Variants in ZNF394 observed in about 807,000 individuals in gnomAD.
ZNF394 encodes zinc finger protein 394.
A neutral mutation model predicts 21.8 loss-of-function variants in ZNF394; 19 were observed. That is an observed-to-expected ratio of 0.87 (90% CI 0.61 to 1.28). The LOEUF is 1.28. Among genes scored for constraint, ZNF394 ranks in the 50% most tolerant of loss-of-function variants. The pLI is 0.00. For missense variants in ZNF394, 683 were observed against 708.6 expected, an observed-to-expected ratio of 0.96 and a Z score of 0.41; for synonymous variants, 294 against 273.3, an observed-to-expected ratio of 1.08 and a Z score of -0.75.
intron 1 of ZNF394, chr7:99,487,360 CTT>C: frequency 1.2e-6 from 2 of 1,614,232 alleles, no homozygotes; most frequent in Non-Finnish European, 1.7e-6. Flanking sequence ...TAAGAGGAAT[CTT>C]TTTCGACATC....
At chr7:99,496,018 T>G (rs1800296939) in intron 2 of ZNF394, among the ~76,000 whole-genome samples, 1 of 152,150 alleles carries the variant, frequency 6.6e-6, no homozygotes, top group South Asian at 2.1e-4. Context: ...ACCTCCCAGG[T>G]TCAAGTGATT....
At position 99,500,019 on chromosome 7, in the gene ZNF394, G is replaced by A; in HGVS notation, c.75C>T (p.Ser25=). 6.2e-7 allele frequency: 1 copy of A among 1,606,414 alleles called. No individual in the cohort carries two copies. Among genetic ancestry groups the A allele is most frequent in the African/African-American group, 1.3e-5 (1 of 75,040 alleles). ...CGCGTTGGGACGGCGCCGCGTCCTT[G>A]GACCTCGCAGCCATCACCCAGGGTC... is the stretch of plus-strand genomic sequence containing the variant. ...ELGPWVMAAR[S]KDAAPSQRDG... Residue 25 remains serine, a synonymous_variant, in exon 1 of 3, where the codon TCC becomes TCT. Transcript: ENST00000337673.
In ZNF394 at chr7:99,493,730, C is replaced by A. The variant is rs758876923; in HGVS notation, c.1485G>T (p.Lys495Asn). ...TCCCACAGACGGAACATCCATAGGGCTTCTCCCCAGTGTGGATTCTGTGGT... is the reference window on the plus strand; with the variant it reads ...TCCCACAGACGGAACATCCATAGGGATTCTCCCCAGTGTGGATTCTGTGGT... ...FKHHRIHTGE[K>N]PYGCSVCGKR... The change falls in exon 3 of 3, where the codon AAG (lysine) becomes AAT (asparagine). Residue 495 changes from lysine (K) to asparagine (N), a missense_variant. By Grantham distance (94) the Lys-to-Asn change is moderately conservative (BLOSUM62 0). Coordinates refer to ENST00000337673, the MANE Select transcript of ZNF394 (RefSeq NM_032164.4). 6 of 1,614,150 alleles carry A rather than the reference C, an allele frequency of 3.7e-6. No homozygotes were observed. The highest frequency in any genetic ancestry group is 5.1e-6 in the Non-Finnish European group (6 of 1,180,010).
chr7:99,497,361 T>C (rs1439166825), intron 2 of ZNF394, among the ~76,000 whole-genome samples: 1 of 150,708 alleles, frequency 6.6e-6, no homozygotes, highest in African/African-American at 2.4e-5. Context: ...CTGTATTTTT[T>C]AGTAGAGACA....
In ZNF394 at chr7:99,500,170, C is replaced by A. The variant is rs994342077; in HGVS notation, c.-77G>T. On this transcript the variant is annotated 5_prime_UTR_variant, in exon 1 of 3. Coordinates refer to ENST00000337673, the MANE Select transcript of ZNF394 (RefSeq NM_032164.4). ...AGAGCAAACCCAAGGAACTCATCAG[C>A]CGTCAACACCCTCCGGTCCCAAACA... The A allele has an allele frequency of 2.1e-6, 3 of 1,413,134 alleles. No individual in the cohort carries two copies. Among genetic ancestry groups the A allele is most frequent in the South Asian group, 2.8e-5 (2 of 71,058 alleles). The allele number at this position is 1,413,134 out of a possible 1,614,324, so 87.5% of individuals were successfully genotyped here.
At chr7:99,488,417 G>A (rs929597148), downstream of ZNF394, among the ~76,000 whole-genome samples, 3 of 149,098 alleles carry the variant, frequency 2.0e-5, no homozygotes, top group South Asian at 6.4e-4. Context: ...CAGGAGAATC[G>A]CTTGGACCTG....
chr7:99,499,652 CA>C lies in ZNF394; in HGVS notation c.441del (p.Asp147GlufsTer9). 6.3e-7 allele frequency: 1 copy of C among 1,596,852 alleles called. No homozygotes were observed. Among genetic ancestry groups the C allele is most frequent in the Non-Finnish European group, 8.5e-7 (1 of 1,174,094 alleles). ...TCGCTTCTCACCTGGGATGAGGTTC[CA>C]TCGAGCGCTCGCTGCAGAGCCCGCA... is the stretch of plus-strand genomic sequence containing the variant. ...AVVRALQRAL[D>X]GTSSQGMVTF... On this transcript the variant is annotated frameshift_variant, in exon 1 of 3. Coordinates refer to ENST00000337673, the MANE Select transcript of ZNF394 (RefSeq NM_032164.4). LOFTEE classifies it high-confidence loss of function.
At chr7:99,496,137 T>C (rs1183910806) in intron 2 of ZNF394, among the ~76,000 whole-genome samples, 1 of 151,938 alleles carries the variant, frequency 6.6e-6, no homozygotes, top group Non-Finnish European at 1.5e-5. Context: ...GTAGGTATTT[T>C]AGTAGGTATT....
intron 1 of ZNF394, among the ~76,000 whole-genome samples, chr7:99,488,079 A>G (rs2151077235): frequency 6.6e-6 from 1 of 151,378 alleles, no homozygotes; most frequent in African/African-American, 2.4e-5. Flanking sequence ...CTCAAAAAAA[A>G]AAAAAAAAAA....
At chr7:99,499,104 G>A (rs1174793791) in intron 1 of ZNF394, among the ~76,000 whole-genome samples, 1 of 152,174 alleles carries the variant, frequency 6.6e-6, no homozygotes, top group East Asian at 1.9e-4. Flanking sequence ...GGCCGGGCGC[G>A]GTGGCTCACG....
chr7:99,497,140 A>G lies in ZNF394; in HGVS notation c.583+1576T>C, dbSNP rs527877814. On this transcript the variant is annotated intron_variant, in intron 2 of 2. Coordinates refer to ENST00000337673, the MANE Select transcript of ZNF394 (RefSeq NM_032164.4). ...TGTGTGTGTATATATATATATATAT[A>G]TGTATATATATATATAAAATGTTTT... is the stretch of plus-strand genomic sequence containing the variant. Among the ~76,000 whole-genome samples, 13 of 124,524 alleles carry G rather than the reference A, an allele frequency of 1.0e-4. 1 individual carries two copies. The South Asian group carries it at 1.2e-3, about 12-fold the overall frequency. 81.7% of individuals were successfully genotyped at this position (124,524 alleles called of 152,430 possible).
chr7:99,499,884 C>T lies in ZNF394; in HGVS notation c.210G>A (p.Leu70=), dbSNP rs766342771. 1 of 1,614,214 alleles carries T rather than the reference C, an allele frequency of 6.2e-7. No individual in the cohort carries two copies. Among genetic ancestry groups the T allele is most frequent in the Non-Finnish European group, 8.5e-7 (1 of 1,180,046 alleles). The change falls in exon 1 of 3, where the codon CTG becomes CTA. Residue 70 remains leucine (L), a synonymous_variant. Coordinates refer to ENST00000337673, the MANE Select transcript of ZNF394 (RefSeq NM_032164.4). ...PETSRLHFRQ[L]RYQEVAGPEE... is the part of the protein sequence containing the mutation. ...CCGGTCCAGCCACCTCCTGGTAACG[C>T]AGCTGCCTAAAGTGCAGTCGAGAAG...
chr7:99,492,569 G>T (rs1800186022), downstream of ZNF394, among the ~76,000 whole-genome samples: 1 of 150,848 alleles, frequency 6.6e-6, no homozygotes, highest in Non-Finnish European at 1.5e-5. Flanking sequence ...GAATCCAGGA[G>T]GTGGAGGTTG....
downstream of ZNF394, among the ~76,000 whole-genome samples, chr7:99,489,911 A>C (rs1800124640): frequency 2.0e-5 from 3 of 152,128 alleles, no homozygotes; most frequent in South Asian, 4.1e-4. Context: ...AGGCTGAGAC[A>C]GGAGAATTGC....
chr7:99,492,731 G>A (rs891216987), downstream of ZNF394, among the ~76,000 whole-genome samples: 2 of 151,328 alleles, frequency 1.3e-5, no homozygotes, highest in African/African-American at 4.9e-5. Flanking sequence ...TGAGGCAGGA[G>A]GATTCCTTGA....
Position 99,499,883 on chromosome 7 carries a change from G to T in ZNF394, c.211C>A (p.Arg71Ser), listed in dbSNP as rs750011236. The T allele has an allele frequency of 3.1e-6, 5 of 1,614,154 alleles. No individual in the cohort carries two copies. The South Asian group carries it at 5.5e-5, about 18-fold the overall frequency. ...ETSRLHFRQL[R>S]YQEVAGPEEA... Reference sequence around the variant, plus strand: ...TCCGGTCCAGCCACCTCCTGGTAACGCAGCTGCCTAAAGTGCAGTCGAGAA... The same window carrying T: ...TCCGGTCCAGCCACCTCCTGGTAACTCAGCTGCCTAAAGTGCAGTCGAGAA... Residue 71 changes from arginine (R) to serine (S), a missense_variant, in exon 1 of 3, where the codon CGT becomes AGT. This residue lies in a region of ZNF394 where 402 missense variants were observed against 373.8 expected (regional missense o/e 1.08). Transcript: ENST00000337673.
At chr7:99,487,300 A>G in intron 1 of ZNF394, 1 of 1,614,266 alleles carries the variant, frequency 6.2e-7, no homozygotes, top group Non-Finnish European at 8.5e-7. Context: ...AAGAATCCAT[A>G]CAAAGGAGGA....
rs1206330509 is a variant in ZNF394, at chr7:99,497,122, G to GTATATA, written c.583+1588_583+1593dup. On this transcript the variant is annotated intron_variant, in intron 2 of 2. Transcript: ENST00000337673. ...TGTGTGTGTGTGTGTGTGTGTGTGTGTATATATATATATATATATGTATAT... is the reference window on the plus strand; with the variant it reads ...TGTGTGTGTGTGTGTGTGTGTGTGTGTATATATATATATATATATATATATGTATAT... Among the ~76,000 whole-genome samples the GTATATA allele has an allele frequency of 2.3e-3, 183 of 79,402 alleles. 1 individual carries two copies. Among genetic ancestry groups the GTATATA allele is most frequent in the African/African-American group, 4.4e-3 (59 of 13,556 alleles). The allele number at this position is 79,402 out of a possible 152,430, so 52.1% of individuals were successfully genotyped here.
At chr7:99,492,179 A>G (rs544062164), downstream of ZNF394, among the ~76,000 whole-genome samples, 1 of 152,274 alleles carries the variant, frequency 6.6e-6, no homozygotes, top group East Asian at 1.9e-4. Context: ...TTTTCTGGAA[A>G]GTGAAAAATA....
Sources: gnomAD v4.1 joint callset for allele counts (sites outside exome capture counted in the v4.1 genomes callset) on GRCh38, gnomAD v4.1.1 for gene constraint, gnomAD v4.1.1 regional missense constraint, MANE v1.5 for transcripts, NCBI Gene and HGNC (gene_info 2026-07-23, HGNC 2026-07-21) for gene names.